SPAG16: variants seen among roughly 807,000 people sequenced by gnomAD.
SPAG16 encodes sperm associated antigen 16.
SPAG16 carries 86 observed loss-of-function variants against 80.4 expected under a neutral mutation model. The observed-to-expected ratio is 1.07, with a 90% CI of 0.90 to 1.28. SPAG16 has a LOEUF of 1.28. Ranked by LOEUF, SPAG16 falls within the 50% of genes most tolerant of loss-of-function variation. The pLI, the probability that SPAG16 is intolerant of heterozygous loss-of-function variation, is 0.00. For missense variants in SPAG16, 870 were observed against 765.3 expected, an observed-to-expected ratio of 1.14 and a Z score of -1.61; for synonymous variants, 294 against 265.9, an observed-to-expected ratio of 1.11 and a Z score of -1.03.
At chr2:214,272,724 C>T (rs1236841078) in intron 15 of SPAG16, among the ~76,000 whole-genome samples, 1 of 152,272 alleles carries the variant, frequency 6.6e-6, no homozygotes, top group East Asian at 1.9e-4. Context: ...CAAGTCTTTG[C>T]TATCGTGAAT....
intron 10 of SPAG16, among the ~76,000 whole-genome samples, chr2:213,853,644 A>T (rs1489145033): frequency 1.3e-5 from 2 of 152,234 alleles, no homozygotes; most frequent in Admixed American, 6.5e-5. Context: ...TTATTAACTT[A>T]GGAATGTTGT....
chr2:213,877,243 A>C (rs2076175174), intron 11 of SPAG16, among the ~76,000 whole-genome samples: 1 of 152,164 alleles, frequency 6.6e-6, no homozygotes, highest in African/African-American at 2.4e-5. Context: ...ATTATTATTT[A>C]AGATAATTTC....
chr2:213,784,092 ACT>A lies in SPAG16; in HGVS notation c.1071-78390_1071-78389del, dbSNP rs1291417618. ...TATCTGGTGTCCTTCTAGTTCTAAG[ACT>A]CTGTGATGCTGAGAGATGGGAGAGA... On this transcript the variant is annotated intron_variant, in intron 10 of 15. Coordinates refer to ENST00000331683, the MANE Select transcript of SPAG16 (RefSeq NM_024532.5). Among the ~76,000 whole-genome samples the A allele has an allele frequency of 9.2e-5, 7 of 75,726 alleles. 1 individual carries two copies. Among genetic ancestry groups the A allele is most frequent in the Non-Finnish European group, 2.4e-4 (7 of 28,848 alleles). The allele number at this position is 75,726 out of a possible 152,430, so 49.7% of individuals were successfully genotyped here. A position where few individuals can be genotyped will look rare whatever the true frequency, so the allele number is the denominator to read the frequency against.
chr2:213,617,980 A>C (rs1463494991), intron 10 of SPAG16, among the ~76,000 whole-genome samples: 1 of 151,934 alleles, frequency 6.6e-6, no homozygotes, highest in Non-Finnish European at 1.5e-5. Context: ...CCCTACACTC[A>C]CCTCAAAAGG....
At chr2:214,094,820 C>A (rs959798524) in intron 13 of SPAG16, among the ~76,000 whole-genome samples, 2 of 151,964 alleles carry the variant, frequency 1.3e-5, no homozygotes, top group Non-Finnish European at 2.9e-5. Flanking sequence ...ATTTTAGTTT[C>A]ACAGGTCTAC....
chr2:214,330,097 T>C (rs897300671), intron 15 of SPAG16, among the ~76,000 whole-genome samples: 4 of 140,636 alleles, frequency 2.8e-5, no homozygotes, highest in African/African-American at 1.0e-4. Flanking sequence ...TGAAACCCTA[T>C]CTCTACCAAA....
intron 10 of SPAG16, among the ~76,000 whole-genome samples, chr2:213,588,394 G>T (rs988768392): frequency 6.6e-6 from 1 of 151,276 alleles, no homozygotes; most frequent in Non-Finnish European, 1.5e-5. Context: ...GACAAAGACC[G>T]TTAGAAAGCT....
chr2:213,557,398 CTTA>C (rs1474162873), intron 10 of SPAG16, among the ~76,000 whole-genome samples: 1 of 151,788 alleles, frequency 6.6e-6, no homozygotes, highest in Non-Finnish European at 1.5e-5. Context: ...AATATTTTGG[CTTA>C]TTGACTACAT....
In SPAG16 at chr2:213,284,638, C is replaced by A. The variant is rs747507447; in HGVS notation, c.136+19C>A. ...CTGGAACGTATCCTTCCCGTGGAGG[C>A]GCGGCCCGCTGCGCTGGCGGGTAAT... On this transcript the variant is annotated intron_variant, in intron 1 of 15. Coordinates refer to ENST00000331683, the MANE Select transcript of SPAG16 (RefSeq NM_024532.5). 28 of 1,600,176 alleles carry A rather than the reference C, an allele frequency of 1.7e-5. No individual in the cohort carries two copies. The South Asian group carries it at 2.3e-4, about 13-fold the overall frequency.
intron 10 of SPAG16, among the ~76,000 whole-genome samples, chr2:213,582,293 T>C (rs953376725): frequency 3.3e-5 from 5 of 152,176 alleles, no homozygotes; most frequent in Admixed American, 1.3e-4. Flanking sequence ...AACATCATCA[T>C]GGATCTTACT....
intron 10 of SPAG16, among the ~76,000 whole-genome samples, chr2:213,557,271 G>C (rs1039976657): frequency 7.2e-5 from 11 of 151,918 alleles, no homozygotes; most frequent in Non-Finnish European, 1.5e-4. Context: ...CTTAGTCTTT[G>C]TTATTGTTTT....
intron 15 of SPAG16, among the ~76,000 whole-genome samples, chr2:214,295,242 A>C (rs1559190293): frequency 1.3e-5 from 2 of 152,192 alleles, no homozygotes; most frequent in Non-Finnish European, 2.9e-5. Flanking sequence ...TATTCAACTA[A>C]TGGATCCATG....
intron 15 of SPAG16, among the ~76,000 whole-genome samples, chr2:214,335,462 A>T: frequency 1.1e-5 from 1 of 88,976 alleles, no homozygotes; most frequent in African/African-American, 2.7e-5. Context: ...CTAAATTAAC[A>T]TGGAGGAATA....
intron 10 of SPAG16, among the ~76,000 whole-genome samples, chr2:213,794,085 C>T (rs1241837530): frequency 6.6e-6 from 1 of 152,134 alleles, no homozygotes. Context: ...CTCACTGCAT[C>T]AGTGAAATGT....
chr2:214,069,772 C>T (rs958507709), intron 13 of SPAG16, among the ~76,000 whole-genome samples: 1 of 151,446 alleles, frequency 6.6e-6, no homozygotes, highest in Non-Finnish European at 1.5e-5. Context: ...TACTGAAGAA[C>T]CTAAATTTTC....
chr2:213,419,689 G>T (rs339812), intron 9 of SPAG16, among the ~76,000 whole-genome samples: 3,863 of 152,178 alleles, frequency 0.025, 157 homozygotes, highest in African/African-American at 0.087. Flanking sequence ...TCTTTGAAAA[G>T]AATTCACATT....
intron 15 of SPAG16, among the ~76,000 whole-genome samples, chr2:214,245,330 CT>C (rs1289674299): frequency 6.6e-6 from 1 of 152,138 alleles, no homozygotes; most frequent in Non-Finnish European, 1.5e-5. Flanking sequence ...TCTCTTTCCC[CT>C]AGTCCCCAAT....
intron 15 of SPAG16, among the ~76,000 whole-genome samples, chr2:214,287,850 A>T (rs1010467566): frequency 6.6e-6 from 1 of 152,204 alleles, no homozygotes; most frequent in Admixed American, 6.5e-5. Flanking sequence ...CATATGTAGA[A>T]TAGGTAATGA....
intron 15 of SPAG16, among the ~76,000 whole-genome samples, chr2:214,336,094 G>A (rs902814065): frequency 1.3e-5 from 2 of 152,148 alleles, no homozygotes; most frequent in Admixed American, 1.3e-4. Flanking sequence ...GTACTCATTA[G>A]TAGTTGAACA....
Sources: allele counts gnomAD v4.1 joint callset (sites outside exome capture counted in the v4.1 genomes callset), GRCh38; gene constraint gnomAD v4.1.1; transcripts MANE v1.5; gene names NCBI Gene and HGNC (gene_info 2026-07-23, HGNC 2026-07-21).